Variants in KLHL29 observed in about 807,000 individuals in gnomAD.
KLHL29 encodes kelch like family member 29, also known as kelch-like protein 29.
KLHL29 carries 21 observed loss-of-function variants against 80.4 expected under a neutral mutation model. That is an observed-to-expected ratio of 0.26 (90% confidence interval 0.19 to 0.38). The LOEUF (loss-of-function observed/expected upper bound fraction) is 0.38, where lower values mean the gene tolerates loss of function less well. Among genes scored for constraint, KLHL29 ranks in the 10% least tolerant of loss-of-function variants. KLHL29 has a pLI of 1.00. For missense variants in KLHL29, 867 were observed against 1,223.9 expected (o/e 0.71, Z 4.35); for synonymous variants, 511 against 526.8 (o/e 0.97, Z 0.41).
intron 2 of KLHL29, among the ~76,000 whole-genome samples, chr2:23,528,756 C>T (rs1217141544): frequency 6.6e-6 from 1 of 152,228 alleles, no homozygotes; most frequent in African/African-American, 2.4e-5. Context: ...CCTTTGGACA[C>T]ACGTATTTAC....
At chr2:23,568,308 C>T (rs1667639038) in intron 3 of KLHL29, among the ~76,000 whole-genome samples, 1 of 152,138 alleles carries the variant, frequency 6.6e-6, no homozygotes, top group Admixed American at 6.6e-5. Context: ...CCCCCAAAAC[C>T]TGGGGTTTTA....
intron 2 of KLHL29, among the ~76,000 whole-genome samples, chr2:23,547,076 C>T (rs1484863905): frequency 6.6e-6 from 1 of 152,178 alleles, no homozygotes; most frequent in Non-Finnish European, 1.5e-5. Flanking sequence ...CGCAGAGAAC[C>T]CACCACAGTG....
At chr2:23,405,207 A>G (rs914266163) in intron 1 of KLHL29, among the ~76,000 whole-genome samples, 1 of 152,208 alleles carries the variant, frequency 6.6e-6, no homozygotes, top group Non-Finnish European at 1.5e-5. Flanking sequence ...CCATACCAAT[A>G]TTGTTTGGAT....
intron 5 of KLHL29, among the ~76,000 whole-genome samples, chr2:23,650,029 T>G (rs1408322489): frequency 1.3e-5 from 2 of 152,238 alleles, no homozygotes; most frequent in African/African-American, 4.8e-5. Context: ...CACGTGTGGC[T>G]TCTCTCCTGA....
chr2:23,565,782 G>C (rs190446516), intron 3 of KLHL29, among the ~76,000 whole-genome samples: 148 of 152,356 alleles, frequency 9.7e-4, no homozygotes, highest in East Asian at 7.9e-3. Context: ...CCTGGGTGAA[G>C]GGTCTAGAGC....
At chr2:23,428,817 A>G (rs967697011) in intron 1 of KLHL29, among the ~76,000 whole-genome samples, 3 of 152,220 alleles carry the variant, frequency 2.0e-5, no homozygotes, top group Admixed American at 6.5e-5. Flanking sequence ...GGCTCCCCCA[A>G]CAGAACCAGC....
At chr2:23,454,533 T>G (rs1375041571) in intron 1 of KLHL29, among the ~76,000 whole-genome samples, 3 of 152,248 alleles carry the variant, frequency 2.0e-5, no homozygotes, top group Non-Finnish European at 2.9e-5. Flanking sequence ...TTGTATAACT[T>G]TGATATACAT....
At chr2:23,566,271 G>A (rs569723166) in intron 3 of KLHL29, among the ~76,000 whole-genome samples, 1 of 152,334 alleles carries the variant, frequency 6.6e-6, no homozygotes, top group East Asian at 1.9e-4. Context: ...CCAATCAGCA[G>A]CCTCCCCAGG....
chr2:23,642,760 C>G lies in KLHL29; in HGVS notation c.850C>G (p.Pro284Ala), dbSNP rs1442031580. The change falls in exon 5 of 14, where the codon CCC becomes GCC. Residue 284 changes from proline to alanine, a missense_variant. By Grantham distance (27) the Pro-to-Ala change is conservative. This residue lies in a region of KLHL29 where 424 missense variants were observed against 456.9 expected (regional missense o/e 0.93). Coordinates refer to ENST00000486442, the MANE Select transcript of KLHL29 (RefSeq NM_052920.2). ...LPSGAPATNG[P>A]PTTDSAHGLQ... Reference sequence around the variant, plus strand: ...CAGTGGTGCCCCTGCCACCAATGGGCCCCCCACAACCGACTCGGCCCACGG... The same window carrying G: ...CAGTGGTGCCCCTGCCACCAATGGGGCCCCCACAACCGACTCGGCCCACGG... 5.2e-6 allele frequency: 8 copies of G among 1,550,192 alleles called. No individual in the cohort carries two copies. The highest frequency in any genetic ancestry group is 7.0e-6 in the Non-Finnish European group (8 of 1,146,818).
chr2:23,450,997 C>G (rs992526693), intron 1 of KLHL29, among the ~76,000 whole-genome samples: 1 of 152,216 alleles, frequency 6.6e-6, no homozygotes, highest in African/African-American at 2.4e-5. Flanking sequence ...ATGTCTATAG[C>G]TTTCCCTGTT....
At chr2:23,388,011 C>T (rs963053204) in intron 1 of KLHL29, among the ~76,000 whole-genome samples, 6 of 152,146 alleles carry the variant, frequency 3.9e-5, no homozygotes, top group Non-Finnish European at 7.3e-5. Flanking sequence ...CTTTCATTTG[C>T]AAGCAGCAAT....
rs1451834898 is a variant in KLHL29, at chr2:23,511,377, T to C, written c.-46+35710T>C. On this transcript the variant is annotated intron_variant, in intron 2 of 13. Coordinates refer to ENST00000486442, the MANE Select transcript of KLHL29 (RefSeq NM_052920.2). ...CACAAGACAATCAGAGAAAGTGTCA[T>C]GCAGTATAATAATCCAATCACTGCC... Among the ~76,000 whole-genome samples the C allele has an allele frequency of 1.3e-5, 2 of 152,158 alleles. 1 individual carries two copies. Among genetic ancestry groups the C allele is most frequent in the African/African-American group, 4.8e-5 (2 of 41,442 alleles).
Position 23,684,681 on chromosome 2 carries a change from CT to C in KLHL29, c.1079+145del. On this transcript the variant is annotated intron_variant, in intron 6 of 13. Coordinates refer to ENST00000486442, the MANE Select transcript of KLHL29 (RefSeq NM_052920.2). This position sits in a 1 kb window ranked among gnomAD's most constrained non-coding sequence, Gnocchi z 4.4. ...GCCATCTCTCCTCCTCCTCCTCCTC[CT>C]CCTCCCCAGTACCCTCTCACACACA... The C allele has an allele frequency of 3.0e-6, 2 of 661,008 alleles. No individual in the cohort carries two copies. Among genetic ancestry groups the C allele is most frequent in the Non-Finnish European group, 2.5e-6 (1 of 406,334 alleles). 40.9% of individuals were successfully genotyped at this position (661,008 alleles called of 1,614,324 possible). A position where few individuals can be genotyped will look rare whatever the true frequency, so the allele number is the denominator to read the frequency against.
intron 3 of KLHL29, among the ~76,000 whole-genome samples, chr2:23,632,438 A>G (rs140931308): frequency 6.6e-6 from 1 of 152,386 alleles, no homozygotes; most frequent in Non-Finnish European, 1.5e-5. Context: ...GGATGCCATC[A>G]TTCCCCACAG....
At chr2:23,620,331 A>G (rs967113723) in intron 3 of KLHL29, among the ~76,000 whole-genome samples, 1 of 152,260 alleles carries the variant, frequency 6.6e-6, no homozygotes, top group Admixed American at 6.5e-5. Context: ...TCATATTTAC[A>G]TTTTAGAAAA....
chr2:23,610,051 G>A (rs539915913), intron 3 of KLHL29, among the ~76,000 whole-genome samples: 2 of 152,258 alleles, frequency 1.3e-5, no homozygotes, highest in African/African-American at 4.8e-5. Context: ...AGTCCCTCAG[G>A]GATCACATGG....
At chr2:23,672,625 C>T (rs965025486) in intron 5 of KLHL29, 16 of 152,726 alleles carry the variant, frequency 1.0e-4, no homozygotes, top group East Asian at 3.9e-4. Flanking sequence ...CTCTCTCATC[C>T]AGCTCCTCAC....
At chr2:23,409,707 A>G (rs1052228935) in intron 1 of KLHL29, among the ~76,000 whole-genome samples, 1 of 152,228 alleles carries the variant, frequency 6.6e-6, no homozygotes, top group Non-Finnish European at 1.5e-5. Flanking sequence ...TTGGTGTTGG[A>G]ACTCGACAGG....
chr2:23,629,518 G>A (rs1480372952), intron 3 of KLHL29, among the ~76,000 whole-genome samples: 1 of 152,184 alleles, frequency 6.6e-6, no homozygotes, highest in Non-Finnish European at 1.5e-5. Flanking sequence ...TGAGTTGTAA[G>A]GTTCTGCCAG....
Sources: allele counts gnomAD v4.1 joint callset (sites outside exome capture counted in the v4.1 genomes callset), GRCh38; gene constraint gnomAD v4.1.1; regional missense constraint gnomAD v4.1.1; non-coding constraint Gnocchi (gnomAD v3.1); transcripts MANE v1.5; gene names NCBI Gene and HGNC (gene_info 2026-07-23, HGNC 2026-07-21).